The following ZNRF3 variants were observed in gnomAD, a reference collection of about 807,000 sequenced individuals.
ZNRF3 encodes E3 ubiquitin-protein ligase ZNRF3.
ZNRF3 carries 23 observed loss-of-function variants against 72.5 expected under a neutral mutation model. That is an observed-to-expected ratio of 0.32 (90% CI 0.23 to 0.45). ZNRF3 has a LOEUF of 0.45. Ranked by LOEUF, ZNRF3 falls within the 20% of genes least tolerant of loss-of-function variation. The pLI is 1.00. For missense variants in ZNRF3, 1,169 were observed against 1,272.1 expected, an observed-to-expected ratio of 0.92 and a Z score of 1.23; for synonymous variants, 610 against 545.3, an observed-to-expected ratio of 1.12 and a Z score of -1.65.
intron 2 of ZNRF3, among the ~76,000 whole-genome samples, chr22:28,989,508 A>T (rs2035917414): frequency 6.6e-6 from 1 of 152,198 alleles, no homozygotes; most frequent in Admixed American, 6.5e-5. Flanking sequence ...AAAGGAAGGC[A>T]AAGTTATCCC....
chr22:29,054,586 C>T lies in ZNRF3; in HGVS notation c.*964C>T, dbSNP rs534577347. ...TGCAAAAATATTTTGGGCCCCCTGCCACTGGCTGCAGAAATGGCTCGACGG... is the reference window on the plus strand; with the variant it reads ...TGCAAAAATATTTTGGGCCCCCTGCTACTGGCTGCAGAAATGGCTCGACGG... On this transcript the variant is annotated 3_prime_UTR_variant, in exon 9 of 9. Coordinates refer to ENST00000544604, the MANE Select transcript of ZNRF3 (RefSeq NM_001206998.2). The T allele has an allele frequency of 6.5e-6, 1 of 152,986 alleles. No homozygotes were observed. The highest frequency in any genetic ancestry group is 1.5e-5 in the Non-Finnish European group (1 of 68,198). 9.5% of individuals were successfully genotyped at this position (152,986 alleles called of 1,614,324 possible).
intron 2 of ZNRF3, among the ~76,000 whole-genome samples, chr22:29,003,172 G>C (rs2036180493): frequency 6.6e-6 from 1 of 152,106 alleles, no homozygotes; most frequent in Non-Finnish European, 1.5e-5. Flanking sequence ...CTACCACACA[G>C]AAGTTTTACT....
intron 1 of ZNRF3, among the ~76,000 whole-genome samples, chr22:28,933,537 G>T (rs1177228806): frequency 6.6e-6 from 1 of 152,116 alleles, no homozygotes; most frequent in African/African-American, 2.4e-5. Context: ...CAATTACTTG[G>T]AACATTTTCT....
chr22:29,051,013 C>A, intron 8 of ZNRF3, 65 bp downstream of exon 8: 1 of 1,473,596 alleles, frequency 6.8e-7, no homozygotes, highest in Non-Finnish European at 9.0e-7. Flanking sequence ...TGTCTTCTGT[C>A]TTAGGCATTT....
chr22:28,990,804 T>C (rs935104668), intron 2 of ZNRF3, among the ~76,000 whole-genome samples: 3 of 152,144 alleles, frequency 2.0e-5, no homozygotes, highest in Non-Finnish European at 2.9e-5. Flanking sequence ...AAGCATCTTA[T>C]AGAGCTAAGA....
At chr22:28,996,025 C>G (rs1423915551) in intron 2 of ZNRF3, among the ~76,000 whole-genome samples, 1 of 152,216 alleles carries the variant, frequency 6.6e-6, no homozygotes, top group Non-Finnish European at 1.5e-5. Flanking sequence ...ATCCACCTTC[C>G]TTGGCCTCCC....
At chr22:29,023,003 C>T (rs768193401) in intron 2 of ZNRF3, among the ~76,000 whole-genome samples, 1 of 152,090 alleles carries the variant, frequency 6.6e-6, no homozygotes, top group African/African-American at 2.4e-5. Flanking sequence ...AATTTCTCAT[C>T]GTCCACCCCC....
chr22:29,055,999 G>C lies in ZNRF3; in HGVS notation c.*2377G>C, dbSNP rs1040521549. The C allele has an allele frequency of 9.2e-5, 14 of 152,310 alleles. No homozygotes were observed. Among genetic ancestry groups the C allele is most frequent in the African/African-American group, 3.1e-4 (13 of 41,562 alleles). The allele number at this position is 152,310 out of a possible 1,614,324, so 9.4% of individuals were successfully genotyped here. A position where few individuals can be genotyped will look rare whatever the true frequency, so the allele number is the denominator to read the frequency against. ...GTGTGTCTAGTTTTCACTTGAACAA[G>C]TGATAGCTGCAGATGGCGAAAGAAA... On this transcript the variant is annotated 3_prime_UTR_variant, in exon 9 of 9. Coordinates refer to ENST00000544604, the MANE Select transcript of ZNRF3 (RefSeq NM_001206998.2).
chr22:28,903,879 C>G (rs1029389324), intron 1 of ZNRF3, among the ~76,000 whole-genome samples: 1 of 152,110 alleles, frequency 6.6e-6, no homozygotes, highest in Non-Finnish European at 1.5e-5. Flanking sequence ...TGGGTGACTT[C>G]CCATGGTGAC....
intron 1 of ZNRF3, among the ~76,000 whole-genome samples, chr22:28,909,448 T>TC (rs1383704109): frequency 6.6e-6 from 1 of 152,088 alleles, no homozygotes; most frequent in Non-Finnish European, 1.5e-5. Context: ...TTTTTTTTTT[T>TC]CTCAGAAAAT....
Position 29,050,626 on chromosome 22 carries a change from G to GC in ZNRF3, c.2448dup (p.Gly817ArgfsTer23). 6.2e-7 allele frequency: 1 copy of GC among 1,610,910 alleles called. No individual in the cohort carries two copies. The highest frequency in any genetic ancestry group is 8.5e-7 in the Non-Finnish European group (1 of 1,179,026). On this transcript the variant is annotated frameshift_variant, in exon 8 of 9. Transcript: ENST00000544604. LOFTEE classifies it high-confidence loss of function. ...AGTACACGCTCACCGAGGAACCACC[G>GC]CCCGGCTGCTACCCCGGGGCCCGGG... is the stretch of plus-strand genomic sequence containing the variant.
intron 1 of ZNRF3, among the ~76,000 whole-genome samples, chr22:28,914,763 G>C (rs1254920705): frequency 6.7e-6 from 1 of 150,150 alleles, no homozygotes; most frequent in East Asian, 2.0e-4. Context: ...GCAGTGAGCC[G>C]AGATGGCGCC....
chr22:28,945,168 A>T (rs960747487), intron 1 of ZNRF3, among the ~76,000 whole-genome samples: 1 of 151,458 alleles, frequency 6.6e-6, no homozygotes, highest in Non-Finnish European at 1.5e-5. Context: ...AAAAAAAGTC[A>T]AAGATGTGTA....
chr22:29,040,550 C>A (rs1455423163), intron 2 of ZNRF3, among the ~76,000 whole-genome samples: 1 of 151,984 alleles, frequency 6.6e-6, no homozygotes, highest in African/African-American at 2.4e-5. Flanking sequence ...AATTGAGTGA[C>A]TTGTCCACTG....
intron 1 of ZNRF3, among the ~76,000 whole-genome samples, chr22:28,933,752 ACTCTCTCTCTCTCT>A (rs372627987): frequency 7.3e-5 from 3 of 40,842 alleles, no homozygotes; most frequent in Non-Finnish European, 1.2e-4. Flanking sequence ...ACACACACTC[ACTCTCTCTCTCTCT>A]CTCTCTCTCT....
intron 1 of ZNRF3, among the ~76,000 whole-genome samples, chr22:28,902,107 G>A (rs2034117260): frequency 6.6e-6 from 1 of 150,686 alleles, no homozygotes; most frequent in Non-Finnish European, 1.5e-5. Context: ...CAGTGAATGT[G>A]TGTATTTTTA....
intron 1 of ZNRF3, among the ~76,000 whole-genome samples, chr22:28,898,926 G>GT (rs34713478): frequency 0.14 from 16,132 of 113,780 alleles, 1,130 homozygotes; most frequent in South Asian, 0.23. Context: ...ACATGCTGAG[G>GT]TTTTTTTTTT....
chr22:28,884,623 G>A (rs2033739655), intron 1 of ZNRF3, among the ~76,000 whole-genome samples: 1 of 152,170 alleles, frequency 6.6e-6, no homozygotes, highest in African/African-American at 2.4e-5. Context: ...GGAGGAGGCG[G>A]AGCTGGTCGA....
At chr22:29,009,815 C>T (rs1355538956) in intron 2 of ZNRF3, among the ~76,000 whole-genome samples, 1 of 151,948 alleles carries the variant, frequency 6.6e-6, no homozygotes, top group African/African-American at 2.4e-5. Flanking sequence ...ATAAGCTTCA[C>T]CATTAAGTGT....
Sources: allele counts gnomAD v4.1 joint callset (sites outside exome capture counted in the v4.1 genomes callset), GRCh38; gene constraint gnomAD v4.1.1; transcripts MANE v1.5; gene names NCBI Gene and HGNC (gene_info 2026-07-23, HGNC 2026-07-21).